Variants in MPC1 observed in about 807,000 individuals in gnomAD.
MPC1 encodes HSPC040 protein.
A neutral mutation model predicts 13.9 loss-of-function variants in MPC1; 6 were observed. The ratio of observed to expected loss-of-function variants is 0.43; its 90% CI spans 0.24 to 0.85. MPC1 has a LOEUF of 0.85. Among genes scored for constraint, MPC1 ranks in the 40% least tolerant of loss-of-function variants. The pLI is 0.24. For synonymous variants in MPC1, 47 were observed against 50.5 expected (o/e 0.93, Z 0.29); for missense variants, 115 against 143.3 (o/e 0.80, Z 1.01).
At chr6:166,368,494 C>T (rs1326733178) in intron 2 of MPC1, among the ~76,000 whole-genome samples, 2 of 140,386 alleles carry the variant, frequency 1.4e-5, no homozygotes, top group South Asian at 2.2e-4. Flanking sequence ...GTGAAGGTTG[C>T]AGTGAGCCAA....
intron 1 of MPC1, among the ~76,000 whole-genome samples, chr6:166,382,177 C>T (rs1264452133): frequency 2.0e-5 from 3 of 152,204 alleles, no homozygotes; most frequent in African/African-American, 7.2e-5. Flanking sequence ...GGGAGAGGAA[C>T]GAGCCTCTGT....
chr6:166,382,404 C>G (rs1255608487), intron 1 of MPC1, among the ~76,000 whole-genome samples: 1 of 151,998 alleles, frequency 6.6e-6, no homozygotes, highest in Admixed American at 6.5e-5. Context: ...GTCACCCACT[C>G]CCTGAAGGGG....
chr6:166,379,821 C>T (rs1779701976), intron 1 of MPC1, among the ~76,000 whole-genome samples: 1 of 152,206 alleles, frequency 6.6e-6, no homozygotes, highest in Non-Finnish European at 1.5e-5. Flanking sequence ...ATTTTATTCT[C>T]CTTTGCTAAA....
intron 3 of MPC1, among the ~76,000 whole-genome samples, chr6:166,366,540 A>G (rs1184154690): frequency 6.6e-6 from 1 of 152,232 alleles, no homozygotes; most frequent in African/African-American, 2.4e-5. Flanking sequence ...GACTATTAGA[A>G]TGATTCAGAT....
chr6:166,366,947 A>G, intron 2 of MPC1, 56 bp from the exon 3 acceptor site: 4 of 1,611,712 alleles, frequency 2.5e-6, no homozygotes, highest in Non-Finnish European at 3.4e-6. Flanking sequence ...ACAGAACTAT[A>G]AACAGCTGAA....
At chr6:166,379,560 T>C (rs1376637125) in intron 1 of MPC1, among the ~76,000 whole-genome samples, 1 of 152,166 alleles carries the variant, frequency 6.6e-6, no homozygotes, top group East Asian at 1.9e-4. Flanking sequence ...TAAAACATGA[T>C]TGAAATAAAT....
At position 166,382,835 on chromosome 6, in the gene MPC1, T is replaced by G. The variant is rs1779855470; in HGVS notation, c.42A>C (p.Arg14=). Reference sequence around the variant, plus strand: ...TGAGGTAGTCCCGGAAATCCTTGCTTCGGACATAGTCCGCCGCTTTCCGCA... The same window carrying G: ...TGAGGTAGTCCCGGAAATCCTTGCTGCGGACATAGTCCGCCGCTTTCCGCA... ...ALVRKAADYV[R]SKDFRDYLMS... The change falls in exon 1 of 5, where the codon CGA becomes CGC. Residue 14 remains arginine (R), a synonymous_variant. Coordinates refer to ENST00000360961, the MANE Select transcript of MPC1 (RefSeq NM_016098.4). 1.9e-6 allele frequency: 3 copies of G among 1,597,584 alleles called. No individual in the cohort carries two copies. The highest frequency in any genetic ancestry group is 2.6e-6 in the Non-Finnish European group (3 of 1,173,686).
intron 3 of MPC1, among the ~76,000 whole-genome samples, chr6:166,366,359 A>T (rs1366272469): frequency 6.6e-6 from 1 of 152,220 alleles, no homozygotes; most frequent in Non-Finnish European, 1.5e-5. Flanking sequence ...AGTAGGCTGA[A>T]ATTTGTTCTA....
chr6:166,377,353 C>A (rs1273388834), intron 1 of MPC1, among the ~76,000 whole-genome samples: 1 of 152,104 alleles, frequency 6.6e-6, no homozygotes, highest in African/African-American at 2.4e-5. Context: ...CCTTGTAGGG[C>A]TGCTGGGTCA....
At position 166,366,832 on chromosome 6, in the gene MPC1, T is replaced by G; in HGVS notation, c.135A>C (p.Lys45Asn). The change falls in exon 3 of 5, where the codon AAA becomes AAC. Residue 45 changes from lysine to asparagine, a missense_variant. Coordinates refer to ENST00000360961, the MANE Select transcript of MPC1 (RefSeq NM_016098.4). ...GCCCACTGATAATCTCTGGAGACTT[T>G]TTCATATCATTGATGGCAGCAATGG... Reference protein sequence around the residue: ...GLPIAAINDMKKSPEIISGRM... With the variant: ...GLPIAAINDMNKSPEIISGRM... The G allele has an allele frequency of 6.2e-7, 1 of 1,614,102 alleles. No homozygotes were observed. The highest frequency in any genetic ancestry group is 8.5e-7 in the Non-Finnish European group (1 of 1,179,956).
At chr6:166,378,282 T>A (rs1779641001) in intron 1 of MPC1, among the ~76,000 whole-genome samples, 1 of 152,208 alleles carries the variant, frequency 6.6e-6, no homozygotes, top group South Asian at 2.1e-4. Flanking sequence ...GAATACCTGA[T>A]CAACTTGAGA....
intron 1 of MPC1, among the ~76,000 whole-genome samples, chr6:166,373,764 CG>C (rs1251724263): frequency 6.6e-6 from 1 of 152,192 alleles, no homozygotes; most frequent in African/African-American, 2.4e-5. Flanking sequence ...CCTTTGTCAG[CG>C]TTCTGCCTTT....
At chr6:166,368,548 C>T (rs1481025628) in intron 2 of MPC1, among the ~76,000 whole-genome samples, 5 of 117,004 alleles carry the variant, frequency 4.3e-5, no homozygotes, top group Admixed American at 1.0e-4. Context: ...AGCGAGACTC[C>T]GTCTCAGGGA....
At position 166,365,937 on chromosome 6, in the gene MPC1, T is replaced by A; in HGVS notation, c.305+37A>T. 6.2e-7 allele frequency: 1 copy of A among 1,602,704 alleles called. No individual in the cohort carries two copies. The highest frequency in any genetic ancestry group is 8.5e-7 in the Non-Finnish European group (1 of 1,171,954). ...TTTCACTCTCCCCAATTCCTCAAAT[T>A]CCTGAAAAGAAAGTAACTAAATTGA... On this transcript the variant is annotated intron_variant, in intron 4 of 4. Transcript: ENST00000360961. The surrounding 1 kb of genome is among the most constrained non-coding windows in gnomAD (Gnocchi z 4.2).
At position 166,365,871 on chromosome 6, in the gene MPC1, C is replaced by T; in HGVS notation, c.305+103G>A. 1 of 1,462,898 alleles carries T rather than the reference C, an allele frequency of 6.8e-7. No individual in the cohort carries two copies. Among genetic ancestry groups the T allele is most frequent in the Non-Finnish European group, 9.3e-7 (1 of 1,080,086 alleles). 90.6% of individuals were successfully genotyped at this position (1,462,898 alleles called of 1,614,324 possible). ...CCCCAACTGCTAAAGCGCATCTATA[C>T]ACACTCCAGTCCCGCAGCACTCCCT... On this transcript the variant is annotated intron_variant, in intron 4 of 4. Coordinates refer to ENST00000360961, the MANE Select transcript of MPC1 (RefSeq NM_016098.4). The surrounding 1 kb of genome is among the most constrained non-coding windows in gnomAD (Gnocchi z 4.2).
intron 2 of MPC1, chr6:166,368,993 A>G: frequency 1.0e-6 from 1 of 953,404 alleles, no homozygotes; most frequent in Admixed American, 6.2e-5. Context: ...CAGTTTCTCT[A>G]CCACTGGTTG....
chr6:166,379,849 G>A (rs1779703696), intron 1 of MPC1, among the ~76,000 whole-genome samples: 1 of 152,214 alleles, frequency 6.6e-6, no homozygotes, highest in Non-Finnish European at 1.5e-5. Context: ...CGGGCTGTAA[G>A]CGTAAAGCTT....
At position 166,382,817 on chromosome 6, in the gene MPC1, G is replaced by C; in HGVS notation, c.60C>G (p.Asp20Glu). 1 of 1,596,514 alleles carries C rather than the reference G, an allele frequency of 6.3e-7. No individual in the cohort carries two copies. Among genetic ancestry groups the C allele is most frequent in the South Asian group, 1.1e-5 (1 of 88,458 alleles). Residue 20 changes from aspartate to glutamate, a missense_variant, in exon 1 of 5, where the codon GAC (aspartate) becomes GAG (glutamate). Around this residue, in one of 3 missense-constraint regions of MPC1, gnomAD observed 41 missense variants for 34.2 expected, o/e 1.20. Coordinates refer to ENST00000360961, the MANE Select transcript of MPC1 (RefSeq NM_016098.4). ...ADYVRSKDFRDYLMSTHFWGP... is the reference protein window; with the variant it reads ...ADYVRSKDFREYLMSTHFWGP... ...GCGGCGCTCGTCACCTCATGAGGTA[G>C]TCCCGGAAATCCTTGCTTCGGACAT...
intron 2 of MPC1, among the ~76,000 whole-genome samples, chr6:166,369,664 ACAATTGATTTATGCTGTCAGATATTCAG>A (rs1267855162): frequency 2.0e-5 from 3 of 152,236 alleles, no homozygotes; most frequent in Non-Finnish European, 4.4e-5. Flanking sequence ...TTTTTAGAAT[ACAATTGATTTATGCTGTCAGATATTCAG>A]CAGTCAATTT....
Sources: allele counts gnomAD v4.1 joint callset (sites outside exome capture counted in the v4.1 genomes callset), GRCh38; gene constraint gnomAD v4.1.1; regional missense constraint gnomAD v4.1.1; non-coding constraint Gnocchi (gnomAD v3.1); transcripts MANE v1.5; gene names NCBI Gene and HGNC (gene_info 2026-07-23, HGNC 2026-07-21).